OR9Q1: variants seen among roughly 807,000 people sequenced by gnomAD.
OR9Q1 encodes olfactory receptor family 9 subfamily Q member 1.
For synonymous variants in OR9Q1, 153 were observed against 148.6 expected, an observed-to-expected ratio of 1.03 and a Z score of -0.22; for missense variants, 374 against 378.8, an observed-to-expected ratio of 0.99 and a Z score of 0.11.
intron 2 of OR9Q1, among the ~76,000 whole-genome samples, chr11:58,102,607 G>T (rs1853795317): frequency 6.6e-6 from 1 of 150,602 alleles, no homozygotes. Context: ...ATTTTCTCTT[G>T]GCCTGCAAGG....
intron 2 of OR9Q1, among the ~76,000 whole-genome samples, chr11:58,174,010 A>G (rs1475689122): frequency 6.6e-6 from 1 of 152,152 alleles, no homozygotes; most frequent in African/African-American, 2.4e-5. Flanking sequence ...GATGAAGAGT[A>G]TATTTTGTAT....
At chr11:58,176,841 C>T (rs762270185) in intron 2 of OR9Q1, among the ~76,000 whole-genome samples, 2 of 152,072 alleles carry the variant, frequency 1.3e-5, no homozygotes, top group Non-Finnish European at 2.9e-5. Context: ...ACCCAGACTT[C>T]CTGATGCTCA....
chr11:58,050,725 C>A (rs895196571), intron 1 of OR9Q1, among the ~76,000 whole-genome samples: 1 of 112,758 alleles, frequency 8.9e-6, no homozygotes, highest in African/African-American at 3.0e-5. Flanking sequence ...CATCCAGAAT[C>A]TACAATGAAC....
At chr11:58,137,640 TAATG>T (rs1439663132) in intron 2 of OR9Q1, among the ~76,000 whole-genome samples, 2 of 152,172 alleles carry the variant, frequency 1.3e-5, no homozygotes, top group African/African-American at 4.8e-5. Flanking sequence ...ATTTTCATAA[TAATG>T]AGCCATGAGA....
intron 2 of OR9Q1, among the ~76,000 whole-genome samples, chr11:58,134,768 G>A (rs992798059): frequency 6.6e-6 from 1 of 152,104 alleles, no homozygotes; most frequent in African/African-American, 2.4e-5. Context: ...GGATTTTGTG[G>A]TATGGTGGAA....
intron 2 of OR9Q1, among the ~76,000 whole-genome samples, chr11:58,133,421 G>A: frequency 6.6e-6 from 1 of 152,168 alleles, no homozygotes; most frequent in East Asian, 1.9e-4. Flanking sequence ...GGCTGCTGCT[G>A]GATCTTCTCC....
intron 2 of OR9Q1, among the ~76,000 whole-genome samples, chr11:58,170,353 T>G (rs1237609384): frequency 6.6e-6 from 1 of 152,078 alleles, no homozygotes; most frequent in Non-Finnish European, 1.5e-5. Flanking sequence ...AGAAAACAAC[T>G]CTTTATCATA....
intron 2 of OR9Q1, among the ~76,000 whole-genome samples, chr11:58,094,844 T>C (rs1204920174): frequency 3.3e-5 from 5 of 152,208 alleles, no homozygotes; most frequent in Non-Finnish European, 7.3e-5. Context: ...TTTAAATCAT[T>C]ATCATCAGGC....
intron 2 of OR9Q1, chr11:58,119,175 C>A: frequency 6.2e-7 from 1 of 1,614,010 alleles, no homozygotes; most frequent in South Asian, 1.1e-5. Context: ...AGGAGATGAC[C>A]GTTTTGCCTG....
At chr11:58,045,238 T>C (rs937821731) in intron 1 of OR9Q1, 4 of 152,134 alleles carry the variant, frequency 2.6e-5, no homozygotes, top group African/African-American at 9.7e-5. Context: ...ATTTTTTGTT[T>C]GTTTGTTTTT....
intron 2 of OR9Q1, among the ~76,000 whole-genome samples, chr11:58,100,292 C>G (rs140784166): frequency 2.0e-5 from 3 of 152,148 alleles, no homozygotes. Flanking sequence ...AGTGGCTGCT[C>G]TAAAAATGGC....
intron 2 of OR9Q1, chr11:58,119,192 A>G (rs1321346480): frequency 1.9e-6 from 3 of 1,614,030 alleles, no homozygotes; most frequent in Non-Finnish European, 1.7e-6. Flanking sequence ...CCTGTGGCCA[A>G]TGTGGCTAGG....
chr11:58,038,594 A>G (rs557814953), intron 1 of OR9Q1, among the ~76,000 whole-genome samples: 3 of 152,298 alleles, frequency 2.0e-5, no homozygotes, highest in African/African-American at 4.8e-5. Context: ...TTTGTTAGGT[A>G]GAAACTACCT....
intron 1 of OR9Q1, among the ~76,000 whole-genome samples, chr11:58,027,115 G>A (rs1852983080): frequency 6.6e-6 from 1 of 152,178 alleles, no homozygotes; most frequent in Non-Finnish European, 1.5e-5. Context: ...TTAGCATTAG[G>A]GTAGGGGGAG....
intron 2 of OR9Q1, among the ~76,000 whole-genome samples, chr11:58,058,651 A>G (rs995439264): frequency 6.6e-6 from 1 of 152,146 alleles, no homozygotes; most frequent in Non-Finnish European, 1.5e-5. Flanking sequence ...AGTCACAGAC[A>G]ATGACGGTGG....
At chr11:58,166,111 T>C (rs1360796648) in intron 2 of OR9Q1, among the ~76,000 whole-genome samples, 2 of 152,362 alleles carry the variant, frequency 1.3e-5, no homozygotes, top group East Asian at 1.9e-4. Flanking sequence ...TGGGATCTGG[T>C]TAAATACATT....
chr11:58,139,058 GAGGA>G (rs2119861830), intron 2 of OR9Q1, among the ~76,000 whole-genome samples: 1 of 152,218 alleles, frequency 6.6e-6, no homozygotes, highest in South Asian at 2.1e-4. Context: ...AAGATGGGAG[GAGGA>G]AGGAAGAAAG....
At chr11:58,158,603 T>G (rs1037752124) in intron 2 of OR9Q1, among the ~76,000 whole-genome samples, 35 of 152,120 alleles carry the variant, frequency 2.3e-4, no homozygotes, top group African/African-American at 7.0e-4. Context: ...CAGCAGTGGA[T>G]ACATCATAGC....
intron 1 of OR9Q1, among the ~76,000 whole-genome samples, chr11:58,034,769 T>TCCTTC (rs58499677): frequency 5.1e-4 from 10 of 19,630 alleles, no homozygotes; most frequent in African/African-American, 8.9e-4. Flanking sequence ...CTTCCTTCCT[T>TCCTTC]CTTCCTTCCC....
Sources: allele counts gnomAD v4.1 joint callset (sites outside exome capture counted in the v4.1 genomes callset), GRCh38; gene constraint gnomAD v4.1.1; transcripts MANE v1.5; gene names NCBI Gene and HGNC (gene_info 2026-07-23, HGNC 2026-07-21).